The following TCF4 variants were observed in gnomAD, a reference collection of about 807,000 sequenced individuals.
The protein encoded by TCF4 is SL3-3 enhancer factor 2.
Under a neutral mutation model 82.1 loss-of-function variants are expected in TCF4, and 3 were observed. The observed-to-expected ratio is 0.04, with a 90% CI of 0.02 to 0.09. The LOEUF (loss-of-function observed/expected upper bound fraction) is 0.09, where lower values mean the gene tolerates loss of function less well. TCF4 is among the 10% of genes least tolerant of loss of function. The pLI, the probability that TCF4 is intolerant of heterozygous loss-of-function variation, is 1.00. For missense variants in TCF4, 518 were observed against 852.7 expected (o/e 0.61, Z 4.89); for synonymous variants, 276 against 309.6 (o/e 0.89, Z 1.14).
intron 8 of TCF4, among the ~76,000 whole-genome samples, chr18:55,295,266 C>T (rs2066189531): frequency 6.6e-6 from 1 of 152,192 alleles, no homozygotes; most frequent in Admixed American, 6.5e-5. Flanking sequence ...TCCCAGGCTG[C>T]AGGTGTGTCA....
chr18:55,330,377 G>A (rs960074870), intron 8 of TCF4, among the ~76,000 whole-genome samples: 1 of 151,498 alleles, frequency 6.6e-6, no homozygotes, highest in African/African-American at 2.4e-5. Context: ...ATGGGGTTTC[G>A]CTACGTTGGC....
Position 55,587,100 on chromosome 18 carries a change from C to A in TCF4, c.17G>T (p.Arg6Leu). The A allele has an allele frequency of 6.2e-7, 1 of 1,613,422 alleles. No individual in the cohort carries two copies. The highest frequency in any genetic ancestry group is 8.5e-7 in the Non-Finnish European group (1 of 1,179,876). ...TTTGTCCGTCCCTAAGGCAGCCATT[C>A]GCTGTTGGTGATGCATTTTAGCAAA... MHHQQ[R>L]MAALGTDKEL... The change falls in exon 2 of 20, where the codon CGA becomes CTA. Residue 6 changes from arginine (R) to leucine (L), a missense_variant. This residue lies in a region of TCF4 where 19 missense variants were observed against 54.5 expected (regional missense o/e 0.35). Transcript: ENST00000354452.
intron 5 of TCF4, among the ~76,000 whole-genome samples, chr18:55,419,070 T>C (rs1047908526): frequency 1.3e-5 from 2 of 152,234 alleles, no homozygotes; most frequent in African/African-American, 4.8e-5. Flanking sequence ...AAATAACACC[T>C]GATCCGAGGG....
chr18:55,377,043 C>T (rs1248884570), intron 6 of TCF4, among the ~76,000 whole-genome samples: 4 of 152,120 alleles, frequency 2.6e-5, no homozygotes, highest in Non-Finnish European at 5.9e-5. Flanking sequence ...AAACCAGGGC[C>T]CCACACTTTC....
chr18:55,340,906 C>A (rs1306278682), intron 8 of TCF4, among the ~76,000 whole-genome samples: 1 of 152,056 alleles, frequency 6.6e-6, no homozygotes, highest in African/African-American at 2.4e-5. Context: ...AGTGACATAG[C>A]CCCCTAAAAA....
intron 3 of TCF4, among the ~76,000 whole-genome samples, chr18:55,580,081 A>G (rs1217426481): frequency 2.0e-5 from 3 of 152,122 alleles, no homozygotes; most frequent in East Asian, 3.9e-4. Context: ...CAAAAATGTT[A>G]AGCATTTCAG....
At chr18:55,342,875 T>C (rs1228559475) in intron 8 of TCF4, among the ~76,000 whole-genome samples, 1 of 152,114 alleles carries the variant, frequency 6.6e-6, no homozygotes, top group Non-Finnish European at 1.5e-5. Context: ...TGCCACCTAC[T>C]TGAAACTGCT....
chr18:55,365,063 G>A lies in TCF4; in HGVS notation c.370-14060C>T, dbSNP rs139444963. Among the ~76,000 whole-genome samples the A allele has an allele frequency of 9.5e-4, 142 of 149,416 alleles. No homozygotes were observed. The East Asian group carries it at 0.028, about 29-fold the overall frequency. On this transcript the variant is annotated intron_variant, in intron 6 of 19. Transcript: ENST00000354452. Reference sequence around the variant, plus strand: ...ACCTACTCAAGAGGCTGAGGGAGGAGAATTGCTTGAACTCGGGAGGTGGAG... The same window carrying A: ...ACCTACTCAAGAGGCTGAGGGAGGAAAATTGCTTGAACTCGGGAGGTGGAG...
At chr18:55,624,649 C>T (rs1421033592) in intron 2 of TCF4, among the ~76,000 whole-genome samples, 1 of 151,682 alleles carries the variant, frequency 6.6e-6, no homozygotes, top group African/African-American at 2.4e-5. Flanking sequence ...CTCAAACTTT[C>T]CTTCTCTTCT....
At chr18:55,472,976 T>A (rs1283070508) in intron 3 of TCF4, among the ~76,000 whole-genome samples, 1 of 152,204 alleles carries the variant, frequency 6.6e-6, no homozygotes, top group Non-Finnish European at 1.5e-5. Flanking sequence ...CATTTCCTAA[T>A]AAAACTGAAT....
chr18:55,625,425 G>C (rs935507451), intron 2 of TCF4, among the ~76,000 whole-genome samples: 1 of 152,052 alleles, frequency 6.6e-6, no homozygotes, highest in Non-Finnish European at 1.5e-5. Context: ...GTTTAGTAGA[G>C]ACGGGGTTTC....
chr18:55,281,442 T>C (rs1353492379), intron 8 of TCF4, among the ~76,000 whole-genome samples: 3 of 152,178 alleles, frequency 2.0e-5, no homozygotes, highest in Non-Finnish European at 4.4e-5. Flanking sequence ...ATCTACACGC[T>C]ATTAGCCTGA....
chr18:55,325,888 C>T (rs1672487513), intron 8 of TCF4, among the ~76,000 whole-genome samples: 1 of 152,126 alleles, frequency 6.6e-6, no homozygotes, highest in African/African-American at 2.4e-5. Context: ...AAATAACCAC[C>T]TCAGGTAAAC....
intron 6 of TCF4, among the ~76,000 whole-genome samples, chr18:55,382,559 C>A (rs900342045): frequency 2.0e-5 from 3 of 152,084 alleles, no homozygotes; most frequent in Admixed American, 6.6e-5. Flanking sequence ...CAGAATGTTA[C>A]CCAAAACCAT....
chr18:55,269,378 C>A (rs1379202247), intron 11 of TCF4: 1 of 239,378 alleles, frequency 4.2e-6, no homozygotes, highest in Non-Finnish European at 8.4e-6. Context: ...TTAGCAGTCA[C>A]CTGAGAATTT....
At position 55,351,246 on chromosome 18, in the gene TCF4, T is replaced by A. The variant is rs115898885; in HGVS notation, c.370-243A>T. On this transcript the variant is annotated intron_variant, in intron 6 of 19. Transcript: ENST00000354452. ...TGATTCCCTTTAAACAATATTTTTT[T>A]AAGTCTTTTAAGATGACTCACGTTT... 3.1e-3 allele frequency: 1,433 copies of A among 460,302 alleles called. 24 individuals carry two copies. Among genetic ancestry groups the A allele is most frequent in the African/African-American group, 0.024 (1,187 of 50,158 alleles). 28.5% of individuals were successfully genotyped at this position (460,302 alleles called of 1,614,324 possible).
chr18:55,562,711 C>T (rs1331592100), intron 3 of TCF4, among the ~76,000 whole-genome samples: 3 of 152,088 alleles, frequency 2.0e-5, no homozygotes, highest in African/African-American at 7.2e-5. Flanking sequence ...TAACTAAGTA[C>T]TAAATGTACT....
chr18:55,303,995 A>G (rs2069281705), intron 8 of TCF4, among the ~76,000 whole-genome samples: 1 of 152,240 alleles, frequency 6.6e-6, no homozygotes, highest in Non-Finnish European at 1.5e-5. Flanking sequence ...TGTAAACATT[A>G]GTTATATGGC....
chr18:55,256,246 C>G (rs1473090727), intron 14 of TCF4, among the ~76,000 whole-genome samples: 1 of 152,142 alleles, frequency 6.6e-6, no homozygotes, highest in Non-Finnish European at 1.5e-5. Context: ...AGAATGGAAG[C>G]TGTGGCCCAT....
Sources: allele counts gnomAD v4.1 joint callset (sites outside exome capture counted in the v4.1 genomes callset), GRCh38; gene constraint gnomAD v4.1.1; regional missense constraint gnomAD v4.1.1; transcripts MANE v1.5; gene names NCBI Gene and HGNC (gene_info 2026-07-23, HGNC 2026-07-21).